Variants in GRID1 observed in about 807,000 individuals in gnomAD.
GRID1 encodes glutamate ionotropic receptor delta type subunit 1.
Under a neutral mutation model 98.0 loss-of-function variants are expected in GRID1, and 28 were observed. That is an observed-to-expected ratio of 0.29 (90% CI 0.21 to 0.39). The LOEUF (loss-of-function observed/expected upper bound fraction) is 0.39. Among genes scored for constraint, GRID1 ranks in the 10% least tolerant of loss-of-function variants. GRID1 has a pLI of 1.00. For missense variants in GRID1, 1,111 were observed against 1,340.5 expected, an observed-to-expected ratio of 0.83 and a Z score of 2.67; for synonymous variants, 553 against 538.5, an observed-to-expected ratio of 1.03 and a Z score of -0.37.
At chr10:85,978,330 G>T (rs1842500316) in intron 4 of GRID1, among the ~76,000 whole-genome samples, 1 of 152,174 alleles carries the variant, frequency 6.6e-6, no homozygotes, top group Non-Finnish European at 1.5e-5. Context: ...AAAACATATT[G>T]CATTTACTTA....
In GRID1 at chr10:85,929,968, A is replaced by G. The variant is rs939198027; in HGVS notation, c.727-13729T>C. 6.6e-5 allele frequency among the ~76,000 whole-genome samples: 10 copies of G among 152,304 alleles called. 1 individual carries two copies. The highest frequency in any genetic ancestry group is 2.4e-4 in the African/African-American group (10 of 41,566). ...TTTCCCTTCCCAGTATTTCCAATCTACCTGTATCACAATTTGTAAATTAAA... is the reference window on the plus strand; with the variant it reads ...TTTCCCTTCCCAGTATTTCCAATCTGCCTGTATCACAATTTGTAAATTAAA... On this transcript the variant is annotated intron_variant, in intron 4 of 15. Coordinates refer to ENST00000327946, the MANE Select transcript of GRID1 (RefSeq NM_017551.3).
chr10:86,353,800 C>G (rs1283156983), intron 2 of GRID1, among the ~76,000 whole-genome samples: 1 of 152,152 alleles, frequency 6.6e-6, no homozygotes, highest in African/African-American at 2.4e-5. Context: ...GGGCAGGTAC[C>G]CTGGGAGCCT....
At chr10:86,145,116 C>T (rs924656865) in intron 3 of GRID1, among the ~76,000 whole-genome samples, 1 of 152,240 alleles carries the variant, frequency 6.6e-6, no homozygotes, top group Non-Finnish European at 1.5e-5. Flanking sequence ...AAATTAATAT[C>T]CTCAAAAGCA....
At chr10:85,862,686 G>A (rs552613642) in intron 6 of GRID1, among the ~76,000 whole-genome samples, 14 of 152,316 alleles carry the variant, frequency 9.2e-5, no homozygotes, top group Admixed American at 7.8e-4. Context: ...GATAATTAGA[G>A]ATGAGTCACA....
At chr10:86,231,631 T>C (rs2132036236) in intron 2 of GRID1, among the ~76,000 whole-genome samples, 1 of 152,280 alleles carries the variant, frequency 6.6e-6, no homozygotes, top group East Asian at 1.9e-4. Flanking sequence ...CTTTCCCATT[T>C]GATAAATGGG....
At chr10:86,112,015 A>C (rs1844494709) in intron 4 of GRID1, among the ~76,000 whole-genome samples, 1 of 152,216 alleles carries the variant, frequency 6.6e-6, no homozygotes, top group African/African-American at 2.4e-5. Flanking sequence ...AGAGTCCCAC[A>C]CTGGTGAGTG....
At chr10:85,805,647 C>T (rs528420811) in intron 8 of GRID1, among the ~76,000 whole-genome samples, 1 of 152,018 alleles carries the variant, frequency 6.6e-6, no homozygotes, top group Admixed American at 6.5e-5. Context: ...ATTTTAAAAA[C>T]TAAACAGACT....
intron 8 of GRID1, among the ~76,000 whole-genome samples, chr10:85,841,888 T>C (rs7097759): frequency 6.6e-6 from 1 of 152,110 alleles, no homozygotes; most frequent in East Asian, 1.9e-4. Flanking sequence ...GGGTGTAAAT[T>C]AGTTCAACCA....
intron 4 of GRID1, among the ~76,000 whole-genome samples, chr10:86,069,296 G>A (rs1401415506): frequency 6.6e-6 from 1 of 152,164 alleles, no homozygotes; most frequent in Admixed American, 6.5e-5. Context: ...CAGGGGCTGG[G>A]GACCAGGGGA....
intron 2 of GRID1, among the ~76,000 whole-genome samples, chr10:86,234,623 C>T (rs960790399): frequency 2.0e-5 from 3 of 152,212 alleles, no homozygotes; most frequent in African/African-American, 4.8e-5. Flanking sequence ...CCAAGCCCCC[C>T]CAGGTTGGTG....
chr10:86,237,198 C>A (rs1273570456), intron 2 of GRID1, among the ~76,000 whole-genome samples: 1 of 152,142 alleles, frequency 6.6e-6, no homozygotes, highest in Admixed American at 6.5e-5. Flanking sequence ...AATGCCCTAA[C>A]CCCCAGTACC....
intron 4 of GRID1, among the ~76,000 whole-genome samples, chr10:85,979,491 C>T (rs1054617054): frequency 2.0e-5 from 3 of 152,152 alleles, no homozygotes; most frequent in Admixed American, 6.5e-5. Context: ...AAGGAGGGAT[C>T]GCTTCCAAGC....
At chr10:85,643,598 G>A (rs925474211) in intron 13 of GRID1, among the ~76,000 whole-genome samples, 20 of 152,238 alleles carry the variant, frequency 1.3e-4, no homozygotes, top group African/African-American at 4.6e-4. Context: ...GGATTTGAGA[G>A]TAAATCTGAG....
At chr10:86,146,302 C>G (rs1329624453) in intron 3 of GRID1, among the ~76,000 whole-genome samples, 1 of 152,174 alleles carries the variant, frequency 6.6e-6, no homozygotes, top group African/African-American at 2.4e-5. Flanking sequence ...ATTTTTACTT[C>G]TTTCTTACCT....
intron 3 of GRID1, among the ~76,000 whole-genome samples, chr10:86,177,070 G>T (rs939000289): frequency 6.6e-6 from 1 of 151,000 alleles, no homozygotes; most frequent in Non-Finnish European, 1.5e-5. Flanking sequence ...GGTGCCCTTC[G>T]CCCCCACCCC....
At chr10:86,016,336 CG>C (rs1190633320) in intron 4 of GRID1, among the ~76,000 whole-genome samples, 1 of 151,654 alleles carries the variant, frequency 6.6e-6, no homozygotes, top group East Asian at 1.9e-4. Context: ...TTAGTAGAGA[CG>C]GGGTTTCACC....
At chr10:86,139,191 T>C (rs1327516530) in intron 3 of GRID1, among the ~76,000 whole-genome samples, 167 bp from the exon 4 acceptor site, 1 of 152,180 alleles carries the variant, frequency 6.6e-6, no homozygotes, top group African/African-American at 2.4e-5. Context: ...GACGCCGGCG[T>C]AGACCCAGCA....
At chr10:86,158,936 C>T (rs886773726) in intron 3 of GRID1, among the ~76,000 whole-genome samples, 1 of 152,164 alleles carries the variant, frequency 6.6e-6, no homozygotes, top group African/African-American at 2.4e-5. Context: ...CTCTGTCGCC[C>T]AGGCTGGAGT....
At chr10:86,115,770 GGAGCCT>G (rs1844567170) in intron 4 of GRID1, among the ~76,000 whole-genome samples, 1 of 152,198 alleles carries the variant, frequency 6.6e-6, no homozygotes, top group Non-Finnish European at 1.5e-5. Context: ...CCTGGCAGAA[GGAGCCT>G]GCTGGTCTAT....
Sources: gnomAD v4.1 joint callset for allele counts (sites outside exome capture counted in the v4.1 genomes callset) on GRCh38, gnomAD v4.1.1 for gene constraint, MANE v1.5 for transcripts, NCBI Gene and HGNC (gene_info 2026-07-23, HGNC 2026-07-21) for gene names.